The following PDE3A variants were observed in gnomAD, a reference collection of about 807,000 sequenced individuals.
The protein encoded by PDE3A is cGMP-inhibited 3',5'-cyclic phosphodiesterase 3A.
PDE3A carries 43 observed loss-of-function variants against 98.3 expected under a neutral mutation model. That is an observed-to-expected ratio of 0.44 (90% CI 0.34 to 0.56). The LOEUF is 0.56. Among genes scored for constraint, PDE3A ranks in the 20% least tolerant of loss-of-function variants. The pLI is 0.01. For synonymous variants in PDE3A, 663 were observed against 567.9 expected, an observed-to-expected ratio of 1.17 and a Z score of -2.38; for missense variants, 1,427 against 1,440.7, an observed-to-expected ratio of 0.99 and a Z score of 0.15.
chr12:20,586,308 G>A (rs954098820), intron 2 of PDE3A, among the ~76,000 whole-genome samples: 9 of 152,156 alleles, frequency 5.9e-5, no homozygotes, highest in African/African-American at 2.2e-4. Flanking sequence ...GTTAGTCTGA[G>A]CAAACTTTCA....
chr12:20,514,728 A>T (rs1946285782), intron 1 of PDE3A, among the ~76,000 whole-genome samples: 1 of 152,210 alleles, frequency 6.6e-6, no homozygotes, highest in Middle Eastern at 3.2e-3. Flanking sequence ...AAGTTGAGAG[A>T]CAGTGAAGCA....
intron 1 of PDE3A, among the ~76,000 whole-genome samples, chr12:20,542,530 G>A (rs1188109081): frequency 6.6e-6 from 1 of 151,328 alleles, no homozygotes; most frequent in Non-Finnish European, 1.5e-5. Flanking sequence ...TAAACCATTT[G>A]GATATCAAAG....
chr12:20,585,263 T>C (rs1192875235), intron 2 of PDE3A, among the ~76,000 whole-genome samples: 2 of 152,070 alleles, frequency 1.3e-5, no homozygotes, highest in African/African-American at 4.8e-5. Flanking sequence ...TTCCAGGGAG[T>C]TGTTAGAGAT....
chr12:20,633,029 C>T (rs1484161794), intron 6 of PDE3A, among the ~76,000 whole-genome samples: 1 of 144,896 alleles, frequency 6.9e-6, no homozygotes, highest in Non-Finnish European at 1.5e-5. Flanking sequence ...CCACTCACTG[C>T]AGCCTCCATC....
At chr12:20,675,959 C>T (rs1247344122) in intron 15 of PDE3A, among the ~76,000 whole-genome samples, 1 of 152,132 alleles carries the variant, frequency 6.6e-6, no homozygotes, top group Non-Finnish European at 1.5e-5. Context: ...GAATGGAAAT[C>T]TTAGTCTGTT....
At chr12:20,554,397 A>T (rs1245029819) in intron 1 of PDE3A, among the ~76,000 whole-genome samples, 1 of 129,398 alleles carries the variant, frequency 7.7e-6, no homozygotes, top group African/African-American at 2.6e-5. Context: ...AAAGATTTAG[A>T]TTTATTTAAT....
chr12:20,545,748 A>G (rs1942034052), intron 1 of PDE3A, among the ~76,000 whole-genome samples: 2 of 150,452 alleles, frequency 1.3e-5, no homozygotes, highest in South Asian at 4.3e-4. Context: ...GCCCTACCCC[A>G]AGAGTAAAGG....
At chr12:20,553,040 G>C in intron 1 of PDE3A, 1 of 1,397,834 alleles carries the variant, frequency 7.2e-7, no homozygotes. Context: ...CAGGCGTTTT[G>C]CTGAAAACGT....
Position 20,369,368 on chromosome 12 carries a change from C to T in PDE3A, c.84C>T (p.Asp28=), listed in dbSNP as rs1382712763. The change falls in exon 1 of 16, where the codon GAC becomes GAT. Residue 28 remains aspartate (D), a synonymous_variant. Transcript: ENST00000359062. ...GTCAAGCCCCCACGGCGGGCCGGGA[C>T]TGCCACCATCGTGCGGACCCCGCAT... is the stretch of plus-strand genomic sequence containing the variant. ...GVSQAPTAGR[D]CHHRADPASP... 6.5e-7 allele frequency: 1 copy of T among 1,549,514 alleles called. No homozygotes were observed. The highest frequency in any genetic ancestry group is 1.4e-5 in the African/African-American group (1 of 73,174).
chr12:20,419,849 C>T (rs1944483305), intron 1 of PDE3A, among the ~76,000 whole-genome samples: 1 of 148,360 alleles, frequency 6.7e-6, no homozygotes, highest in Non-Finnish European at 1.5e-5. Flanking sequence ...AGTGATTCTT[C>T]TGCCTCAGCC....
chr12:20,471,127 G>A (rs1945432286), intron 1 of PDE3A, among the ~76,000 whole-genome samples: 1 of 149,310 alleles, frequency 6.7e-6, no homozygotes, highest in Non-Finnish European at 1.5e-5. Flanking sequence ...AGCTTGAGCT[G>A]ACATGCCCAT....
At chr12:20,639,120 C>A (rs965622202) in intron 9 of PDE3A, among the ~76,000 whole-genome samples, 17 of 152,062 alleles carry the variant, frequency 1.1e-4, no homozygotes, top group Non-Finnish European at 2.1e-4. Flanking sequence ...TTTTACAGCA[C>A]AAATGACAGC....
At chr12:20,526,323 A>G (rs1437175173) in intron 1 of PDE3A, among the ~76,000 whole-genome samples, 1 of 152,226 alleles carries the variant, frequency 6.6e-6, no homozygotes, top group African/African-American at 2.4e-5. Flanking sequence ...TGTATTTTAA[A>G]TGAGCCAGCA....
chr12:20,387,825 A>T (rs1322597251), intron 1 of PDE3A, among the ~76,000 whole-genome samples: 1 of 152,046 alleles, frequency 6.6e-6, no homozygotes, highest in East Asian at 1.9e-4. Flanking sequence ...TGAAATGAAG[A>T]GTTTTTAAAT....
chr12:20,482,383 GC>G (rs1160072382), intron 1 of PDE3A, among the ~76,000 whole-genome samples: 1 of 152,112 alleles, frequency 6.6e-6, no homozygotes, highest in Non-Finnish European at 1.5e-5. Context: ...TCTTGAATGA[GC>G]TTTACTTCAG....
chr12:20,533,057 A>T (rs1161139506), intron 1 of PDE3A, among the ~76,000 whole-genome samples: 3 of 152,220 alleles, frequency 2.0e-5, no homozygotes, highest in Admixed American at 2.0e-4. Context: ...TAACTTTCAA[A>T]CATAATACAA....
chr12:20,491,473 A>T (rs1363642752), intron 1 of PDE3A, among the ~76,000 whole-genome samples: 1 of 152,142 alleles, frequency 6.6e-6, no homozygotes, highest in African/African-American at 2.4e-5. Context: ...GAGGTGTATC[A>T]TTTAGCATGA....
At chr12:20,634,714 C>T (rs1456392026) in intron 7 of PDE3A, among the ~76,000 whole-genome samples, 188 bp from the exon 8 acceptor site, 1 of 152,108 alleles carries the variant, frequency 6.6e-6, no homozygotes, top group African/African-American at 2.4e-5. Flanking sequence ...TTATAATTTC[C>T]ATCTGTTTTA....
chr12:20,382,154 G>A (rs1190727140), intron 1 of PDE3A, among the ~76,000 whole-genome samples: 1 of 151,810 alleles, frequency 6.6e-6, no homozygotes, highest in African/African-American at 2.4e-5. Flanking sequence ...CTAGATTATA[G>A]ATCCTGTAAC....
Sources: gnomAD v4.1 joint callset for allele counts (sites outside exome capture counted in the v4.1 genomes callset) on GRCh38, gnomAD v4.1.1 for gene constraint, MANE v1.5 for transcripts, NCBI Gene and HGNC (gene_info 2026-07-23, HGNC 2026-07-21) for gene names.